SNRNP200: variants seen among roughly 807,000 people sequenced by gnomAD.
The protein encoded by SNRNP200 is small nuclear ribonucleoprotein U5 subunit 200, also known as U5 small nuclear ribonucleoprotein 200 kDa helicase.
Under a neutral mutation model 255.2 loss-of-function variants are expected in SNRNP200, and 66 were observed. That is an observed-to-expected ratio of 0.26 (90% CI 0.21 to 0.32). The LOEUF is 0.32. SNRNP200 is among the 10% of genes least tolerant of loss of function. The probability of loss-of-function intolerance (pLI) is 1.00; values close to 1 mark genes in which losing one functional copy is unlikely to be tolerated. For synonymous variants in SNRNP200, 939 were observed against 1,027.8 expected (o/e 0.91, Z 1.65); for missense variants, 1,585 against 2,749.8 (o/e 0.58, Z 9.47).
At position 96,277,704 on chromosome 2, in the gene SNRNP200, G is replaced by A. The variant is rs147427344; in HGVS notation, c.5766C>T (p.Leu1922=). 3,236 of 1,614,126 alleles carry A rather than the reference G, an allele frequency of 2.0e-3. 18 individuals are homozygous for A. Among genetic ancestry groups the A allele is most frequent in the South Asian group, 6.5e-3 (594 of 91,086 alleles). Residue 1922 remains leucine (L), a synonymous_variant, in exon 41 of 45, where the codon CTC becomes CTT. Transcript: ENST00000323853. The surrounding 1 kb of genome is among the most constrained non-coding windows in gnomAD (Gnocchi z 4.4). ...AAAGGACATCCACGCAGGCCTGGAT[G>A]AGCCGGATTGCCTGAACAGGAAAAG... The part of the protein sequence containing the change: ...TEEILSKAIR[L]IQACVDVLSS...
At position 96,277,536 on chromosome 2, in the gene SNRNP200, C is replaced by T. The variant is rs372326171; in HGVS notation, c.5931+3G>A. The T allele has an allele frequency of 2.5e-6, 4 of 1,612,328 alleles. No homozygotes were observed. The highest frequency in any genetic ancestry group is 1.3e-5 in the African/African-American group (1 of 74,886). On this transcript the variant is annotated splice_donor_region_variant and intron_variant, in intron 41 of 44. Coordinates refer to ENST00000323853, the MANE Select transcript of SNRNP200 (RefSeq NM_014014.5). The surrounding 1 kb of genome is among the most constrained non-coding windows in gnomAD (Gnocchi z 4.4). ...CCTGACCCTCTAGGCTGACCCGGCT[C>T]ACCTTGTCTGTGCAACGTTTGATAT...
At chr2:96,299,299 T>C (rs1371636355) in intron 6 of SNRNP200, 30 bp downstream of exon 6, 1 of 1,594,130 alleles carries the variant, frequency 6.3e-7, no homozygotes, top group Non-Finnish European at 8.6e-7. Flanking sequence ...AGTAACCTTG[T>C]AGCAATGAGG....
Position 96,287,582 on chromosome 2 carries a change from T to C in SNRNP200, c.3366-25A>G, listed in dbSNP as rs180872763. ...CCTATCCAGGAAGGAGGCAAAGCTG[T>C]TGGTCCCTTCTGCAGGGATGTGACA... On this transcript the variant is annotated intron_variant, in intron 25 of 44. Coordinates refer to ENST00000323853, the MANE Select transcript of SNRNP200 (RefSeq NM_014014.5). The surrounding 1 kb of genome is among the most constrained non-coding windows in gnomAD (Gnocchi z 5.7). The C allele has an allele frequency of 4.5e-6, 7 of 1,565,110 alleles. No individual in the cohort carries two copies. The East Asian group carries it at 1.1e-4, about 25-fold the overall frequency.
At chr2:96,301,455 C>G (rs1558772406) in intron 4 of SNRNP200, 69 bp downstream of exon 4, 5 of 1,476,706 alleles carry the variant, frequency 3.4e-6, no homozygotes, top group Non-Finnish European at 4.7e-6. Flanking sequence ...ATGAATGATG[C>G]TAGAAGATGC....
At chr2:96,285,743 A>T (rs748678144) in intron 29 of SNRNP200, among the ~76,000 whole-genome samples, 12 of 152,356 alleles carry the variant, frequency 7.9e-5, no homozygotes, top group Middle Eastern at 3.4e-3. Context: ...AGAAAGTAAG[A>T]GCCTTATCCC....
intron 9 of SNRNP200, among the ~76,000 whole-genome samples, chr2:96,297,943 A>G (rs1351624995): frequency 6.6e-6 from 1 of 152,220 alleles, no homozygotes; most frequent in Non-Finnish European, 1.5e-5. Flanking sequence ...TACACGTTCT[A>G]TAATTAAGTA....
intron 2 of SNRNP200, among the ~76,000 whole-genome samples, chr2:96,303,888 CAAAAA>C (rs757964935): frequency 1.7e-5 from 1 of 57,538 alleles, no homozygotes. Context: ...GATTCCGTCT[CAAAAA>C]AAAAAAAAAA....
intron 3 of SNRNP200, 23 bp from the exon 4 acceptor site, chr2:96,301,739 C>T: frequency 3.1e-6 from 5 of 1,613,798 alleles, no homozygotes; most frequent in Non-Finnish European, 4.2e-6. Flanking sequence ...AACAACCAAC[C>T]AATATTGAGA....
chr2:96,294,904 AAAATATAT>A (rs925732284), intron 14 of SNRNP200, among the ~76,000 whole-genome samples: 1 of 152,188 alleles, frequency 6.6e-6, no homozygotes, highest in Non-Finnish European at 1.5e-5. Flanking sequence ...CAGACATAAA[AAAATATAT>A]AAAGAATAAC....
At position 96,290,455 on chromosome 2, in the gene SNRNP200, T is replaced by C. The variant is rs1164706999; in HGVS notation, c.2613A>G (p.Thr871=). 1.2e-6 allele frequency: 2 copies of C among 1,614,190 alleles called. No homozygotes were observed. The highest frequency in any genetic ancestry group is 1.7e-5 in the Admixed American group (1 of 60,024). The part of the protein sequence containing the change: ...YDTKGEGILI[T]SHGELQYYLS... ...GGTAGTACTGTAGCTCCCCATGAGA[T>C]GTGATGAGTATGCCTTCACCCTTGG... Residue 871 remains threonine, a synonymous_variant, in exon 20 of 45, where the codon ACA becomes ACG. Coordinates refer to ENST00000323853, the MANE Select transcript of SNRNP200 (RefSeq NM_014014.5). The surrounding 1 kb of genome is among the most constrained non-coding windows in gnomAD (Gnocchi z 4.5).
At chr2:96,288,912 C>T in intron 23 of SNRNP200, 125 bp downstream of exon 23, 1 of 1,060,658 alleles carries the variant, frequency 9.4e-7, no homozygotes, top group South Asian at 1.4e-5. Flanking sequence ...TGCGAGAAGG[C>T]TGCAAAAACT....
At chr2:96,284,606 G>T in intron 30 of SNRNP200, 21 bp from the exon 31 acceptor site, 1 of 1,541,316 alleles carries the variant, frequency 6.5e-7, no homozygotes, top group Non-Finnish European at 9.0e-7. Context: ...GAGGAGGGAG[G>T]CAGAACAACA....
intron 43 of SNRNP200, 197 bp downstream of exon 43, chr2:96,276,707 A>G: frequency 1.4e-6 from 1 of 695,960 alleles, no homozygotes; most frequent in Non-Finnish European, 2.6e-6. Flanking sequence ...GGCGTGAGCC[A>G]CTGCGCCCGG....
At chr2:96,282,156 G>C (rs1293265839) in intron 34 of SNRNP200, 2 of 505,746 alleles carry the variant, frequency 4.0e-6, no homozygotes, top group Non-Finnish European at 7.3e-6. Context: ...TCATAGAACA[G>C]AACCCAAAGC....
chr2:96,274,765 C>A lies in SNRNP200; in HGVS notation c.*247G>T. 5 of 550,700 alleles carry A rather than the reference C, an allele frequency of 9.1e-6. No homozygotes were observed. 34.1% of individuals were successfully genotyped at this position (550,700 alleles called of 1,614,324 possible). On this transcript the variant is annotated 3_prime_UTR_variant, in exon 45 of 45. Coordinates refer to ENST00000323853, the MANE Select transcript of SNRNP200 (RefSeq NM_014014.5). ...CAAATTATTTTATTAGAATGTCAGACTCAAAAGAACTACCAGGAACATGCC... is the reference window on the plus strand; with the variant it reads ...CAAATTATTTTATTAGAATGTCAGAATCAAAAGAACTACCAGGAACATGCC...
At chr2:96,276,486 A>G (rs1362947850) in intron 43 of SNRNP200, 3 of 247,772 alleles carry the variant, frequency 1.2e-5, no homozygotes, top group Non-Finnish European at 2.4e-5. Context: ...CAGTGGGGCA[A>G]TCTCGGCTCG....
chr2:96,297,683 C>T lies in SNRNP200; in HGVS notation c.1157G>A (p.Arg386Gln), dbSNP rs1280466700. 6 of 1,614,078 alleles carry T rather than the reference C, an allele frequency of 3.7e-6. No individual in the cohort carries two copies. Among genetic ancestry groups the T allele is most frequent in the East Asian group, 2.2e-5 (1 of 44,898 alleles). Residue 386 changes from arginine to glutamine, a missense_variant, in exon 10 of 45, where the codon CGA becomes CAA. Arg to Gln is a conservative substitution (Grantham distance 43). Around this residue, in one of 9 missense-constraint regions of SNRNP200, gnomAD observed 383 missense variants for 645.3 expected, o/e 0.59. Transcript: ENST00000323853. ...CATGGTTTCCAGATCTGTGTCCATT[C>T]GAGACTGACGCACTCGCTCTCTCCG... ...RSRRERVRQS[R>Q]MDTDLETMDL...
At chr2:96,280,489 T>C (rs1684740221) in intron 35 of SNRNP200, among the ~76,000 whole-genome samples, 1 of 151,870 alleles carries the variant, frequency 6.6e-6, no homozygotes, top group South Asian at 2.1e-4. Flanking sequence ...CAGAACAAGA[T>C]TGTCTTAAAA....
At chr2:96,298,548 T>A in intron 8 of SNRNP200, 55 bp downstream of exon 8, 2 of 1,598,026 alleles carry the variant, frequency 1.3e-6, no homozygotes, top group East Asian at 4.5e-5. Flanking sequence ...AATCTCTATG[T>A]CACACATGCA....
Sources: gnomAD v4.1 joint callset for allele counts (sites outside exome capture counted in the v4.1 genomes callset) on GRCh38, gnomAD v4.1.1 for gene constraint, gnomAD v4.1.1 regional missense constraint, Gnocchi (gnomAD v3.1) non-coding constraint, MANE v1.5 for transcripts, NCBI Gene and HGNC (gene_info 2026-07-23, HGNC 2026-07-21) for gene names.